CCDC91: variants seen among roughly 807,000 people sequenced by gnomAD.
The protein encoded by CCDC91 is coiled-coil domain-containing protein 91.
CCDC91 carries 48 observed loss-of-function variants against 63.2 expected under a neutral mutation model. The ratio of observed to expected loss-of-function variants is 0.76; its 90% CI spans 0.60 to 0.97. The LOEUF is 0.97. CCDC91 is among the 50% of genes least tolerant of loss of function. The probability of loss-of-function intolerance (pLI) is 0.00; values close to 1 mark genes in which losing one functional copy is unlikely to be tolerated. For missense variants in CCDC91, 500 were observed against 494.6 expected (o/e 1.01, Z -0.10); for synonymous variants, 167 against 165.8 (o/e 1.01, Z -0.06).
intron 7 of CCDC91, among the ~76,000 whole-genome samples, chr12:28,368,468 A>G (rs1944412636): frequency 6.6e-6 from 1 of 152,154 alleles, no homozygotes. Context: ...TATGGGGTAG[A>G]TGGTTTATAG....
chr12:28,246,493 C>G (rs1183260605), intron 1 of CCDC91, among the ~76,000 whole-genome samples: 2 of 152,070 alleles, frequency 1.3e-5, no homozygotes, highest in Non-Finnish European at 2.9e-5. Context: ...CAATGCAAAT[C>G]ACAATTTTGT....
At chr12:28,357,938 G>A (rs1035406826) in intron 6 of CCDC91, among the ~76,000 whole-genome samples, 2 of 152,128 alleles carry the variant, frequency 1.3e-5, no homozygotes, top group Non-Finnish European at 2.9e-5. Context: ...AAGATAGGCT[G>A]TAAATATTTG....
chr12:28,316,556 CTTTTTTTT>C (rs67889099), intron 6 of CCDC91, among the ~76,000 whole-genome samples: 1 of 28,446 alleles, frequency 3.5e-5, no homozygotes, highest in African/African-American at 1.4e-4. Context: ...CAACTCACAC[CTTTTTTTT>C]TTTTTTTTTT....
intron 1 of CCDC91, among the ~76,000 whole-genome samples, chr12:28,237,158 A>G (rs901714674): frequency 1.3e-5 from 2 of 151,826 alleles, no homozygotes; most frequent in African/African-American, 2.4e-5. Context: ...GCAACTCTAA[A>G]TATATCCCTC....
At chr12:28,475,856 A>G (rs1253716918) in intron 11 of CCDC91, among the ~76,000 whole-genome samples, 1 of 152,046 alleles carries the variant, frequency 6.6e-6, no homozygotes, top group African/African-American at 2.4e-5. Flanking sequence ...GTGATATGTT[A>G]CAGCAGCAGA....
intron 6 of CCDC91, among the ~76,000 whole-genome samples, chr12:28,336,070 A>T (rs1172259094): frequency 7.8e-6 from 1 of 128,912 alleles, no homozygotes; most frequent in Non-Finnish European, 1.6e-5. Flanking sequence ...TTTTTTTTTT[A>T]CCCTTAATCC....
intron 12 of CCDC91, among the ~76,000 whole-genome samples, chr12:28,526,911 G>A (rs980665330): frequency 1.2e-4 from 18 of 151,806 alleles, no homozygotes; most frequent in African/African-American, 4.4e-4. Flanking sequence ...AGATTTTCCA[G>A]AGCATTTTGT....
At chr12:28,321,599 A>T (rs1199454853) in intron 6 of CCDC91, among the ~76,000 whole-genome samples, 1 of 151,804 alleles carries the variant, frequency 6.6e-6, no homozygotes, top group Non-Finnish European at 1.5e-5. Context: ...TAGTACACTT[A>T]TAATAATAAT....
At chr12:28,540,063 A>G (rs1265677922) in intron 12 of CCDC91, among the ~76,000 whole-genome samples, 1 of 152,128 alleles carries the variant, frequency 6.6e-6, no homozygotes, top group Non-Finnish European at 1.5e-5. Flanking sequence ...CAGTTTTATC[A>G]GTAGTGGAAA....
chr12:28,287,372 T>C (rs1371817854), intron 3 of CCDC91, among the ~76,000 whole-genome samples: 3 of 152,114 alleles, frequency 2.0e-5, no homozygotes, highest in East Asian at 1.9e-4. Flanking sequence ...TCCACTCTTA[T>C]GTTAATTTTT....
intron 8 of CCDC91, among the ~76,000 whole-genome samples, chr12:28,419,294 T>A (rs941444304): frequency 1.3e-5 from 2 of 152,190 alleles, no homozygotes; most frequent in Non-Finnish European, 2.9e-5. Flanking sequence ...CTACCACATC[T>A]GTGTAGAAAC....
intron 3 of CCDC91, among the ~76,000 whole-genome samples, chr12:28,262,275 G>T (rs576909400): frequency 4.6e-5 from 7 of 152,060 alleles, no homozygotes; most frequent in Admixed American, 1.3e-4. Context: ...ATTTTAAAAA[G>T]ACATGATGAT....
rs372218991 is a variant in CCDC91, at chr12:28,259,350, C to G, written c.31-14C>G. On this transcript the variant is annotated splice_polypyrimidine_tract_variant and intron_variant, in intron 2 of 12. Transcript: ENST00000536442. Reference sequence around the variant, plus strand: ...TTTCACATCTTCTAAAATAATCTTGCCTTTGTCTTGTAGGCTGCGGAGACT... The same window carrying G: ...TTTCACATCTTCTAAAATAATCTTGGCTTTGTCTTGTAGGCTGCGGAGACT... The G allele has an allele frequency of 6.3e-7, 1 of 1,599,780 alleles. No homozygotes were observed. The highest frequency in any genetic ancestry group is 8.6e-7 in the Non-Finnish European group (1 of 1,168,156).
chr12:28,399,397 GA>G (rs1946481710), intron 8 of CCDC91, among the ~76,000 whole-genome samples: 1 of 152,128 alleles, frequency 6.6e-6, no homozygotes, highest in South Asian at 2.1e-4. Flanking sequence ...AACACTTGGG[GA>G]TTATGGGAAC....
At chr12:28,201,232 C>T (rs465695) in intron 1 of CCDC91, among the ~76,000 whole-genome samples, 532 of 148,312 alleles carry the variant, frequency 3.6e-3, no homozygotes, top group African/African-American at 0.012. Context: ...ACTTCTCAGA[C>T]GGGGCGGCTG....
At chr12:28,316,113 G>A (rs1252674406) in intron 6 of CCDC91, among the ~76,000 whole-genome samples, 3 of 151,466 alleles carry the variant, frequency 2.0e-5, no homozygotes, top group Non-Finnish European at 4.4e-5. Context: ...GATTCCTCTA[G>A]GTTTACAATA....
intron 10 of CCDC91, 57 bp from the exon 11 acceptor site, chr12:28,452,421 C>G (rs1171270298): frequency 1.4e-5 from 17 of 1,195,458 alleles, no homozygotes; most frequent in Middle Eastern, 2.5e-4. Context: ...AAGTCTGTTA[C>G]TCAAGAAATT....
chr12:28,301,325 A>G (rs1938048863), intron 3 of CCDC91, among the ~76,000 whole-genome samples: 1 of 151,604 alleles, frequency 6.6e-6, no homozygotes, highest in East Asian at 1.9e-4. Flanking sequence ...GGAGATAATC[A>G]TATAATTTTT....
intron 3 of CCDC91, among the ~76,000 whole-genome samples, chr12:28,290,268 C>CT (rs1949161468): frequency 6.6e-6 from 1 of 152,072 alleles, no homozygotes; most frequent in Admixed American, 6.5e-5. Context: ...TCTTACTTGT[C>CT]TTTTTGGATC....
Sources: gnomAD v4.1 joint callset for allele counts (sites outside exome capture counted in the v4.1 genomes callset) on GRCh38, gnomAD v4.1.1 for gene constraint, MANE v1.5 for transcripts, NCBI Gene and HGNC (gene_info 2026-07-23, HGNC 2026-07-21) for gene names.